The following SHOX variants were observed in gnomAD, a reference collection of about 807,000 sequenced individuals.
SHOX encodes short stature homeobox protein.
In SHOX, 12 loss-of-function variants were observed where a neutral mutation model predicts 29.6. The observed-to-expected ratio is 0.41, with a 90% confidence interval of 0.26 to 0.66. SHOX has a LOEUF of 0.66. Ranked by LOEUF, SHOX falls within the 30% of genes least tolerant of loss-of-function variation. The pLI is 0.35. For missense variants in SHOX, 499 were observed against 437.7 expected (o/e 1.14, Z -1.25); for synonymous variants, 214 against 200.6 (o/e 1.07, Z -0.57).
chrX:652,612 G>A (rs1181240144), downstream of SHOX, among the ~76,000 whole-genome samples: 5 of 152,094 alleles, frequency 3.3e-5, no homozygotes, highest in South Asian at 2.1e-4. Context: ...TAAACCGTCC[G>A]TTGTCTGTAC....
upstream of SHOX, chrX:630,714 A>G (rs2052631210): frequency 5.6e-6 from 4 of 719,968 alleles, no homozygotes; most frequent in Non-Finnish European, 9.4e-6. Context: ...GAGACCAGTA[A>G]TTGCACCAGA....
At chrX:627,880 G>A (rs1034239793), upstream of SHOX, among the ~76,000 whole-genome samples, 1 of 152,160 alleles carries the variant, frequency 6.6e-6, no homozygotes, top group African/African-American at 2.4e-5. Context: ...GAGGGTTTTC[G>A]GTAGGGAGAC....
upstream of SHOX, among the ~76,000 whole-genome samples, chrX:629,495 C>T (rs1243889831): frequency 1.3e-5 from 2 of 150,996 alleles, no homozygotes; most frequent in Non-Finnish European, 3.0e-5. Context: ...CTCTCTTTCT[C>T]TCTCTCTCTC....
upstream of SHOX, among the ~76,000 whole-genome samples, chrX:629,555 TTC>T (rs2052610771): frequency 6.7e-6 from 1 of 149,490 alleles, no homozygotes; most frequent in African/African-American, 2.5e-5. Flanking sequence ...GTCTCTCCGT[TTC>T]TCTCTCTGCC....
rs2052633035 is a variant in SHOX, at chrX:630,807, G to C, written c.-91G>C. Reference sequence around the variant, plus strand: ...TGGAAAGGCGTAAATAACAGCGCTGGTGATCCACCCGCGCGCACGGGCCGT... The same window carrying C: ...TGGAAAGGCGTAAATAACAGCGCTGCTGATCCACCCGCGCGCACGGGCCGT... On this transcript the variant is annotated 5_prime_UTR_variant, in exon 1 of 5. Coordinates refer to ENST00000686671, the MANE Select transcript of SHOX (RefSeq NM_000451.4). 15 of 1,502,998 alleles carry C rather than the reference G, an allele frequency of 1.0e-5. No individual in the cohort carries two copies. Among genetic ancestry groups the C allele is most frequent in the African/African-American group, 1.4e-5 (1 of 72,392 alleles). 93.1% of individuals were successfully genotyped at this position (1,502,998 alleles called of 1,614,324 possible).
intron 2 of SHOX, among the ~76,000 whole-genome samples, chrX:635,255 C>T (rs1222103872): frequency 6.6e-6 from 1 of 151,808 alleles, no homozygotes. Context: ...ACTTAGGAGA[C>T]GAAGCTACAG....
chrX:631,288 C>G, intron 1 of SHOX, 114 bp downstream of exon 1: 1 of 1,347,356 alleles, frequency 7.4e-7, no homozygotes, highest in Non-Finnish European at 1.1e-6. Context: ...TCCCGTCTCG[C>G]CAGGGTAAGG....
chrX:626,477 CTCTCTT>C (rs1342426367), upstream of SHOX, among the ~76,000 whole-genome samples: 16 of 136,780 alleles, frequency 1.2e-4, no homozygotes, highest in Non-Finnish European at 1.6e-5. Context: ...CTATCTCTGT[CTCTCTT>C]TCTCTCTCTC....
chrX:631,923 G>C, intron 1 of SHOX: 1 of 456,084 alleles, frequency 2.2e-6, no homozygotes, highest in Non-Finnish European at 4.4e-6. Flanking sequence ...CCGTCTCCAC[G>C]CGCCTTCCCA....
At position 658,825 on chromosome X, in the gene SHOX, C is replaced by CAT. The variant is rs1409695808; in HGVS notation, c.675_676dup (p.Ter226TyrfsTer46). On this transcript the variant is annotated frameshift_variant, in exon 6 of 6. Transcript: ENST00000334060. LOFTEE classifies it high-confidence loss of function. ...TGTCGCCCGGGCTGGAGTATAATGG[C>CAT]ATGATCTCGACTCACTGCAACCTCC... The CAT allele has an allele frequency of 2.4e-6, 1 of 409,472 alleles. No individual in the cohort carries two copies. The highest frequency in any genetic ancestry group is 4.8e-6 in the Non-Finnish European group (1 of 206,256). 25.4% of individuals were successfully genotyped at this position (409,472 alleles called of 1,614,324 possible).
At chrX:656,562 T>C (rs28887553), downstream of SHOX, among the ~76,000 whole-genome samples, 80,560 of 151,366 alleles carry the variant, frequency 0.53, 22,125 homozygotes, top group South Asian at 0.64. Flanking sequence ...AAACATTTAG[T>C]CAGCTGTGGT....
Position 636,719 on chromosome X carries a change from TACATAAAATATATATATAA to T in SHOX, c.486+1899_486+1917del, listed in dbSNP as rs1167338177. 5.2e-4 allele frequency among the ~76,000 whole-genome samples: 4 copies of T among 7,732 alleles called. No individual in the cohort carries two copies. In the African/African-American group the frequency reaches 5.4e-3, roughly 10 times the overall value. 5.1% of individuals were successfully genotyped at this position (7,732 alleles called of 152,430 possible). ...TAAAATATATATATAAACATATATA[TACATAAAATATATATATAA>T]ACATATATATACATATAAAAATATA... On this transcript the variant is annotated intron_variant, in intron 2 of 4. Coordinates refer to ENST00000686671, the MANE Select transcript of SHOX (RefSeq NM_000451.4).
chrX:630,795 A>G lies in SHOX; in HGVS notation c.-103A>G, dbSNP rs1395233119. 88 of 1,413,920 alleles carry G rather than the reference A, an allele frequency of 6.2e-5. No individual in the cohort carries two copies. The highest frequency in any genetic ancestry group is 8.4e-5 in the Non-Finnish European group (85 of 1,007,906). 87.6% of individuals were successfully genotyped at this position (1,413,920 alleles called of 1,614,324 possible). On this transcript the variant is annotated 5_prime_UTR_variant, in exon 1 of 5. Coordinates refer to ENST00000686671, the MANE Select transcript of SHOX (RefSeq NM_000451.4). ...TGAGATTTCCAATGGAAAGGCGTAA[A>G]TAACAGCGCTGGTGATCCACCCGCG...
upstream of SHOX, among the ~76,000 whole-genome samples, chrX:628,201 C>T (rs192594156): frequency 1.5e-4 from 20 of 132,240 alleles, no homozygotes; most frequent in Non-Finnish European, 3.0e-4. Flanking sequence ...TTCTCTCTCC[C>T]TCTCTCTCCC....
At chrX:634,902 C>T in intron 2 of SHOX, 76 bp downstream of exon 2, 2 of 1,448,196 alleles carry the variant, frequency 1.4e-6, no homozygotes, top group South Asian at 1.3e-5. Context: ...CGCGTACAGC[C>T]ACCTGCGCCC....
chrX:626,140 C>A (rs760338782), upstream of SHOX, among the ~76,000 whole-genome samples: 52 of 91,848 alleles, frequency 5.7e-4, no homozygotes, highest in African/African-American at 2.6e-3. Context: ...CTCTCTCTTT[C>A]TCTGTCTCTG....
exon 1 of SHOX, chrX:624,391 T>G (rs1320104837): frequency 2.6e-5 from 4 of 151,266 alleles, no homozygotes; most frequent in Non-Finnish European, 4.4e-5. Flanking sequence ...CCACACTTTT[T>G]TTTTTTTTGG....
chrX:641,012 C>A lies in SHOX; in HGVS notation c.558C>A (p.Gly186=), dbSNP rs1443584619. The A allele has an allele frequency of 1.2e-6, 2 of 1,613,854 alleles. No individual in the cohort carries two copies. Among genetic ancestry groups the A allele is most frequent in the South Asian group, 1.1e-5 (1 of 91,052 alleles). The change falls in exon 4 of 5, where the codon GGC becomes GGA. Residue 186 remains glycine, a synonymous_variant. Coordinates refer to ENST00000686671, the MANE Select transcript of SHOX (RefSeq NM_000451.4). The stretch of plus-strand genomic sequence containing the variant: ...CTTTGGACACAGGCGTCATCTTGGG[C>A]ACAGCCAACCACCTAGACGCCTGCC... ...ENQMHKGVIL[G]TANHLDACRV... is the part of the protein sequence containing the mutation.
chrX:625,031 T>A (rs2052491344), intron 1 of SHOX, among the ~76,000 whole-genome samples: 1 of 137,074 alleles, frequency 7.3e-6, no homozygotes, highest in African/African-American at 2.9e-5. Context: ...TCTCCCTCCC[T>A]CCTTTCCTTT....
Sources: gnomAD v4.1 joint callset for allele counts (sites outside exome capture counted in the v4.1 genomes callset) on GRCh38, gnomAD v4.1.1 for gene constraint, MANE v1.5 for transcripts, NCBI Gene and HGNC (gene_info 2026-07-23, HGNC 2026-07-21) for gene names.